Variants in AFF2 observed in about 807,000 individuals in gnomAD.
AFF2 encodes the protein ALF transcription elongation factor 2.
A neutral mutation model predicts 76.9 loss-of-function variants in AFF2; 14 were observed. The ratio of observed to expected loss-of-function variants is 0.18; its 90% CI spans 0.12 to 0.28. The LOEUF (loss-of-function observed/expected upper bound fraction) is 0.28. Ranked by LOEUF, AFF2 falls within the 10% of genes least tolerant of loss-of-function variation. The pLI, the probability that AFF2 is intolerant of heterozygous loss-of-function variation, is 1.00. For synonymous variants in AFF2, 398 were observed against 366.7 expected (o/e 1.09, Z -0.98); for missense variants, 868 against 1,001.1 (o/e 0.87, Z 1.79).
chrX:148,539,183 A>G (rs782556335), intron 1 of AFF2, among the ~76,000 whole-genome samples: 9 of 112,233 alleles, frequency 8.0e-5, no homozygotes, highest in Non-Finnish European at 1.5e-4. Context: ...AAAGTAATCT[A>G]ATTCATTAAG....
intron 3 of AFF2, among the ~76,000 whole-genome samples, chrX:148,717,868 C>T (rs1557263505): frequency 9.0e-6 from 1 of 111,233 alleles, no homozygotes; most frequent in East Asian, 2.9e-4. Flanking sequence ...CAGTTAGTTA[C>T]CTGCCCAAAG....
chrX:148,581,272 A>G (rs1407627282), intron 1 of AFF2, among the ~76,000 whole-genome samples: 24 of 297 alleles, frequency 0.081, no homozygotes, highest in African/African-American at 0.16. Context: ...GTGTACACAC[A>G]TATACACGTA....
chrX:148,917,522 G>A (rs1182916689), intron 9 of AFF2, among the ~76,000 whole-genome samples: 3 of 112,247 alleles, frequency 2.7e-5, no homozygotes, highest in African/African-American at 9.7e-5. Context: ...CCTCACACTT[G>A]TCCTCTTCTT....
intron 3 of AFF2, among the ~76,000 whole-genome samples, chrX:148,672,374 C>A (rs1198179851): frequency 8.9e-6 from 1 of 112,021 alleles, no homozygotes; most frequent in African/African-American, 3.2e-5. Context: ...TCATAATTTT[C>A]TTTTCTGCAG....
chrX:148,742,415 T>C (rs782191298), intron 3 of AFF2, among the ~76,000 whole-genome samples: 1 of 112,092 alleles, frequency 8.9e-6, no homozygotes, highest in Non-Finnish European at 1.9e-5. Flanking sequence ...GAAAGTAAGA[T>C]TTTGGTTTAA....
chrX:148,979,004 C>G (rs1162105695), intron 18 of AFF2, among the ~76,000 whole-genome samples: 1 of 111,430 alleles, frequency 9.0e-6, no homozygotes, highest in Non-Finnish European at 1.9e-5. Flanking sequence ...CTTATAAGCA[C>G]AAAAAATATA....
intron 3 of AFF2, among the ~76,000 whole-genome samples, chrX:148,786,906 C>G (rs782118699): frequency 8.9e-6 from 1 of 112,069 alleles, no homozygotes; most frequent in African/African-American, 3.2e-5. Flanking sequence ...TCTCTTTTCT[C>G]CCCACCCACG....
intron 14 of AFF2, 112 bp from the exon 15 acceptor site, chrX:148,967,517 T>C: frequency 9.9e-6 from 7 of 709,871 alleles, no homozygotes; most frequent in Middle Eastern, 4.2e-4. Flanking sequence ...TAGTCTGCCT[T>C]TTTCAAGGCA....
chrX:148,542,029 G>GA, intron 1 of AFF2, among the ~76,000 whole-genome samples: 1 of 108,822 alleles, frequency 9.2e-6, no homozygotes, highest in Middle Eastern at 4.8e-3. Context: ...GTCTCTGCTG[G>GA]AAAAAAGAAA....
At chrX:148,548,957 A>T (rs2052959984) in intron 1 of AFF2, among the ~76,000 whole-genome samples, 1 of 112,295 alleles carries the variant, frequency 8.9e-6, no homozygotes, top group African/African-American at 3.2e-5. Flanking sequence ...CATGAAAATA[A>T]CTCTGCATTG....
chrX:148,872,147 A>G (rs2070984540), intron 7 of AFF2, among the ~76,000 whole-genome samples: 1 of 111,159 alleles, frequency 9.0e-6, no homozygotes, highest in Non-Finnish European at 1.9e-5. Context: ...ATATAACATA[A>G]AACTTACCAT....
At chrX:148,752,868 G>T (rs112351281) in intron 3 of AFF2, among the ~76,000 whole-genome samples, 3,933 of 111,800 alleles carry the variant, frequency 0.035, 68 homozygotes, top group Middle Eastern at 0.092. Context: ...ACTTCTCAAT[G>T]ATTTCTTCAT....
intron 3 of AFF2, among the ~76,000 whole-genome samples, chrX:148,806,201 G>C (rs1557271320): frequency 8.9e-6 from 1 of 112,421 alleles, no homozygotes; most frequent in African/African-American, 3.2e-5. Flanking sequence ...GTGTGGGTGT[G>C]TGTGAGAGAG....
At chrX:148,764,966 A>G (rs2069495420) in intron 3 of AFF2, among the ~76,000 whole-genome samples, 1 of 112,436 alleles carries the variant, frequency 8.9e-6, no homozygotes, top group Admixed American at 9.4e-5. Context: ...GGTGTTGGCC[A>G]TCATCTTGGG....
intron 1 of AFF2, among the ~76,000 whole-genome samples, chrX:148,557,876 C>A (rs782477960): frequency 8.9e-6 from 1 of 111,862 alleles, no homozygotes; most frequent in Non-Finnish European, 1.9e-5. Flanking sequence ...TTTTTGAGAA[C>A]CTTAGAGACC....
At chrX:148,840,754 C>A (rs979471972) in intron 5 of AFF2, among the ~76,000 whole-genome samples, 1 of 112,110 alleles carries the variant, frequency 8.9e-6, no homozygotes, top group East Asian at 2.8e-4. Flanking sequence ...CTATTTCCAA[C>A]TGGGGCTGGA....
At chrX:148,566,247 G>A (rs2053169506) in intron 1 of AFF2, among the ~76,000 whole-genome samples, 1 of 111,318 alleles carries the variant, frequency 9.0e-6, no homozygotes, top group African/African-American at 3.3e-5. Context: ...ACCCAAGTGT[G>A]TCTGACTTCC....
rs556557014 is a variant in AFF2 at position 148,766,840 on chromosome X, G to T, written c.1042-43036G>T. Among the ~76,000 whole-genome samples, 33 of 111,907 alleles carry T rather than the reference G, an allele frequency of 2.9e-4. No homozygotes were observed. The South Asian group carries it at 0.012, about 41-fold the overall frequency. On this transcript the variant is annotated intron_variant, in intron 3 of 20. Transcript: ENST00000370460. ...TTGTCAGATTTCTTGTTGATTTAGT[G>T]TTCTCTCAAAATTTCCCAGTACTCA...
chrX:148,901,165 G>A (rs186980831), intron 8 of AFF2, among the ~76,000 whole-genome samples: 88 of 111,876 alleles, frequency 7.9e-4, no homozygotes, highest in Non-Finnish European at 1.4e-3. Flanking sequence ...CTTGCCAATA[G>A]GGTAAGTGGC....
Sources: gnomAD v4.1 joint callset for allele counts (sites outside exome capture counted in the v4.1 genomes callset) on GRCh38, gnomAD v4.1.1 for gene constraint, MANE v1.5 for transcripts, NCBI Gene and HGNC (gene_info 2026-07-23, HGNC 2026-07-21) for gene names.